KAZN: variants seen among roughly 807,000 people sequenced by gnomAD.
KAZN encodes the protein kazrin.
In KAZN, 40 loss-of-function variants were observed where a neutral mutation model predicts 87.4. The observed-to-expected ratio is 0.46, with a 90% CI of 0.36 to 0.60. The LOEUF (loss-of-function observed/expected upper bound fraction) is 0.60, where lower values mean the gene tolerates loss of function less well. Ranked by LOEUF, KAZN falls within the 20% of genes least tolerant of loss-of-function variation. The pLI, the probability that KAZN is intolerant of heterozygous loss-of-function variation, is 0.00. For missense variants in KAZN, 898 were observed against 1,073.9 expected, an observed-to-expected ratio of 0.84 and a Z score of 2.29; for synonymous variants, 466 against 458.3, an observed-to-expected ratio of 1.02 and a Z score of -0.22.
At position 15,094,988 on chromosome 1, in the gene KAZN, T is replaced by C; in HGVS notation, c.1547+55T>C. ...GGAGAGAAAAAGTCATCCTGAGGCC[T>C]TTGGTCACACAGGTGGGGTGAGCGG... On this transcript the variant is annotated intron_variant, in intron 10 of 14. Coordinates refer to ENST00000376030, the MANE Select transcript of KAZN (RefSeq NM_201628.3). The surrounding 1 kb of genome is among the most constrained non-coding windows in gnomAD (Gnocchi z 4.5). 11 of 1,281,742 alleles carry C rather than the reference T, an allele frequency of 8.6e-6. No individual in the cohort carries two copies. Among genetic ancestry groups the C allele is most frequent in the Non-Finnish European group, 1.2e-5 (11 of 907,752 alleles). 79.4% of individuals were successfully genotyped at this position (1,281,742 alleles called of 1,614,324 possible). A position where few individuals can be genotyped will look rare whatever the true frequency, so the allele number is the denominator to read the frequency against.
chr1:15,095,784 T>A (rs1240735585), intron 10 of KAZN, among the ~76,000 whole-genome samples: 1 of 152,194 alleles, frequency 6.6e-6, no homozygotes, highest in Admixed American at 6.5e-5. Context: ...GGGATTTTTT[T>A]AGAAGCAGGG....
intron 1 of KAZN, among the ~76,000 whole-genome samples, chr1:14,938,368 C>T (rs185025142): frequency 2.1e-4 from 32 of 152,184 alleles, no homozygotes; most frequent in Non-Finnish European, 4.3e-4. Flanking sequence ...ATGGCAAAAC[C>T]GCATCTCTAC....
At chr1:14,977,033 C>T (rs1000711615) in intron 2 of KAZN, among the ~76,000 whole-genome samples, 2 of 152,114 alleles carry the variant, frequency 1.3e-5, no homozygotes, top group African/African-American at 4.8e-5. Context: ...CCAGCCTGGG[C>T]GACAGTGTGA....
chr1:14,886,170 C>T (rs573748571), intron 1 of KAZN, among the ~76,000 whole-genome samples: 13 of 152,214 alleles, frequency 8.5e-5, no homozygotes, highest in East Asian at 5.8e-4. Context: ...GCCTGTAATC[C>T]CAGCGCTTTG....
intron 2 of KAZN, among the ~76,000 whole-genome samples, chr1:15,009,585 C>T (rs1669375901): frequency 6.6e-6 from 1 of 152,202 alleles, no homozygotes; most frequent in Admixed American, 6.5e-5. Flanking sequence ...AGCACCCATG[C>T]AGACGGGACA....
At chr1:13,978,911 G>T (rs908201927) in intron 1 of KAZN, among the ~76,000 whole-genome samples, 2 of 151,424 alleles carry the variant, frequency 1.3e-5, no homozygotes, top group African/African-American at 4.9e-5. Context: ...GACCAGCCTG[G>T]GCAACACAGG....
intron 2 of KAZN, among the ~76,000 whole-genome samples, chr1:14,218,100 T>C (rs1311093357): frequency 3.3e-5 from 5 of 152,116 alleles, no homozygotes; most frequent in Non-Finnish European, 7.4e-5. Context: ...TATATATTTA[T>C]AGTAGAAGAA....
At chr1:14,519,146 T>A (rs80250322) in intron 2 of KAZN, among the ~76,000 whole-genome samples, 3,708 of 152,120 alleles carry the variant, frequency 0.024, 55 homozygotes, top group Admixed American at 0.052. Context: ...TTGGAAATTT[T>A]TAAAAAAAAA....
At chr1:14,013,336 A>G (rs930143917) in intron 1 of KAZN, among the ~76,000 whole-genome samples, 7 of 152,212 alleles carry the variant, frequency 4.6e-5, no homozygotes, top group Admixed American at 4.6e-4. Context: ...GGTTTTGTGC[A>G]CAATAGTCAA....
chr1:14,905,422 G>C (rs533837619), intron 1 of KAZN, among the ~76,000 whole-genome samples: 1 of 152,276 alleles, frequency 6.6e-6, no homozygotes, highest in African/African-American at 2.4e-5. Context: ...CCTGCAAATG[G>C]GACGCAGTCA....
chr1:15,030,243 A>G (rs1371984117), intron 2 of KAZN, among the ~76,000 whole-genome samples: 2 of 152,106 alleles, frequency 1.3e-5, no homozygotes, highest in South Asian at 2.1e-4. Context: ...ACCGGGATGC[A>G]TCTTTATTTT....
intron 1 of KAZN, among the ~76,000 whole-genome samples, chr1:14,755,021 C>T (rs1055378317): frequency 6.7e-6 from 1 of 148,716 alleles, no homozygotes; most frequent in African/African-American, 2.5e-5. Context: ...GCGGGAGGAT[C>T]GCTTGAGCCC....
intron 2 of KAZN, among the ~76,000 whole-genome samples, chr1:14,587,390 TG>T (rs1334675375): frequency 1.3e-5 from 2 of 150,192 alleles, no homozygotes; most frequent in Admixed American, 6.6e-5. Context: ...GAGCCGAGAT[TG>T]TGCCACTGCA....
At chr1:14,119,678 G>A (rs1644709194) in intron 1 of KAZN, among the ~76,000 whole-genome samples, 1 of 152,128 alleles carries the variant, frequency 6.6e-6, no homozygotes, top group African/African-American at 2.4e-5. Flanking sequence ...TGTGGGACAT[G>A]CTGAAAAGTC....
chr1:13,999,161 A>G (rs1022189236), intron 1 of KAZN, among the ~76,000 whole-genome samples: 1 of 152,114 alleles, frequency 6.6e-6, no homozygotes, highest in African/African-American at 2.4e-5. Context: ...CAGCCTGGCC[A>G]ACATAGTGAA....
chr1:14,244,899 T>A (rs1478329309), intron 2 of KAZN, among the ~76,000 whole-genome samples: 2 of 152,066 alleles, frequency 1.3e-5, no homozygotes, highest in African/African-American at 2.4e-5. Flanking sequence ...GAGGCAATTG[T>A]AGTATTCTGA....
rs546917376 is a variant in KAZN at position 14,945,042 on chromosome 1, C to T, written c.227-15642C>T. ...GACAGCACCAGGCTGCACGGAGGCT[C>T]ATGGCCCACAGCTCCCTAGCTTTCT... On this transcript the variant is annotated intron_variant, in intron 1 of 14. Coordinates refer to ENST00000376030, the MANE Select transcript of KAZN (RefSeq NM_201628.3). Among the ~76,000 whole-genome samples the T allele has an allele frequency of 5.3e-5, 8 of 152,350 alleles. No homozygotes were observed. The East Asian group carries it at 1.4e-3, about 26-fold the overall frequency.
At chr1:14,692,593 T>C (rs905330162) in intron 1 of KAZN, 1 of 153,462 alleles carries the variant, frequency 6.5e-6, no homozygotes, top group African/African-American at 2.4e-5. Flanking sequence ...TGATCTTGGT[T>C]GGCCTCATGC....
intron 1 of KAZN, among the ~76,000 whole-genome samples, chr1:14,848,333 C>T (rs1348094734): frequency 6.6e-6 from 1 of 152,224 alleles, no homozygotes; most frequent in South Asian, 2.1e-4. Flanking sequence ...TCTAGCTCTG[C>T]CTCTGATCTG....
Sources: gnomAD v4.1 joint callset for allele counts (sites outside exome capture counted in the v4.1 genomes callset) on GRCh38, gnomAD v4.1.1 for gene constraint, Gnocchi (gnomAD v3.1) non-coding constraint, MANE v1.5 for transcripts, NCBI Gene and HGNC (gene_info 2026-07-23, HGNC 2026-07-21) for gene names.